Variants in NSMAF observed in about 807,000 individuals in gnomAD.
The protein encoded by NSMAF is protein FAN.
NSMAF carries 90 observed loss-of-function variants against 134.9 expected under a neutral mutation model. The ratio of observed to expected loss-of-function variants is 0.67; its 90% CI spans 0.56 to 0.79. The LOEUF (loss-of-function observed/expected upper bound fraction) is 0.79. Ranked by LOEUF, NSMAF falls within the 30% of genes least tolerant of loss-of-function variation. The pLI, the probability that NSMAF is intolerant of heterozygous loss-of-function variation, is 0.00. For missense variants in NSMAF, 1,010 were observed against 1,119.0 expected, an observed-to-expected ratio of 0.90 and a Z score of 1.39; for synonymous variants, 358 against 389.6, an observed-to-expected ratio of 0.92 and a Z score of 0.96.
chr8:58,621,319 T>C (rs947843153), intron 9 of NSMAF, among the ~76,000 whole-genome samples: 2 of 152,222 alleles, frequency 1.3e-5, no homozygotes, highest in African/African-American at 4.8e-5. Flanking sequence ...CCATGGTGTA[T>C]AGGTACCACA....
chr8:58,659,213 G>T, intron 1 of NSMAF: 1 of 1,461,246 alleles, frequency 6.8e-7, no homozygotes, highest in South Asian at 1.4e-5. Flanking sequence ...GCGAACGCCC[G>T]GGCTCGCGTG....
At chr8:58,607,886 A>AT (rs1258805334) in intron 10 of NSMAF, 46 bp from the exon 11 acceptor site, 1 of 1,491,400 alleles carries the variant, frequency 6.7e-7, no homozygotes, top group Non-Finnish European at 9.4e-7. Context: ...TTCTGACACA[A>AT]TTAGAAGTTG....
intron 2 of NSMAF, among the ~76,000 whole-genome samples, chr8:58,639,427 T>C (rs1394625334): frequency 6.6e-6 from 1 of 152,162 alleles, no homozygotes; most frequent in African/African-American, 2.4e-5. Flanking sequence ...CCTGTTAGGA[T>C]GGCTATTATC....
At chr8:58,656,777 C>T (rs1807723222) in intron 1 of NSMAF, among the ~76,000 whole-genome samples, 1 of 151,960 alleles carries the variant, frequency 6.6e-6, no homozygotes, top group South Asian at 2.1e-4. Context: ...TTGCAGTGAG[C>T]CAAGATCACG....
intron 9 of NSMAF, among the ~76,000 whole-genome samples, chr8:58,610,437 G>A (rs1282999273): frequency 3.3e-5 from 5 of 152,142 alleles, no homozygotes; most frequent in African/African-American, 9.7e-5. Flanking sequence ...AAAAGATACA[G>A]AGGAAGATCT....
rs199922201 is a variant in NSMAF at position 58,654,555 on chromosome 8, AAG to A, written c.59+5016_59+5017del. Reference sequence around the variant, plus strand: ...ACAAAAGGGAAACTCCTTCTCAAAAAAGAAAAAAAGAAAGAAAGTTAATACTA... The same window carrying A: ...ACAAAAGGGAAACTCCTTCTCAAAAAAAAAAAAGAAAGAAAGTTAATACTA... On this transcript the variant is annotated intron_variant, in intron 1 of 30. Coordinates refer to ENST00000038176, the MANE Select transcript of NSMAF (RefSeq NM_003580.4). Among the ~76,000 whole-genome samples, 1,321 of 152,286 alleles carry A rather than the reference AAG, an allele frequency of 8.7e-3. 19 individuals are homozygous for A. Among genetic ancestry groups the A allele is most frequent in the African/African-American group, 0.03 (1,243 of 41,534 alleles).
intron 14 of NSMAF, 66 bp from the exon 15 acceptor site, chr8:58,601,601 G>GA: frequency 6.6e-7 from 1 of 1,526,168 alleles, no homozygotes; most frequent in East Asian, 2.4e-5. Flanking sequence ...CTGACAAGTA[G>GA]AAAAAGCCTA....
At chr8:58,637,347 G>A (rs1411210065) in intron 2 of NSMAF, 9 of 456,244 alleles carry the variant, frequency 2.0e-5, no homozygotes, top group Non-Finnish European at 3.1e-5. Context: ...GGTATTAAGA[G>A]ACCAGATTCT....
chr8:58,625,416 A>ATGTATGTATGTATG (rs111516405), intron 6 of NSMAF, among the ~76,000 whole-genome samples: 186 of 150,996 alleles, frequency 1.2e-3, no homozygotes, highest in African/African-American at 4.1e-3. Flanking sequence ...GTATGTATGT[A>ATGTATGTATGTATG]TATATATGTG....
chr8:58,648,322 A>C (rs1807508347), intron 1 of NSMAF, among the ~76,000 whole-genome samples: 1 of 152,220 alleles, frequency 6.6e-6, no homozygotes, highest in African/African-American at 2.4e-5. Flanking sequence ...AATGACTTAA[A>C]GTTGGAACTT....
intron 1 of NSMAF, among the ~76,000 whole-genome samples, chr8:58,646,044 A>AATCATC (rs140848286): frequency 1.3e-4 from 19 of 151,924 alleles, no homozygotes; most frequent in African/African-American, 3.4e-4. Context: ...TCCGTCTCAA[A>AATCATC]ATCATCATCA....
At chr8:58,601,203 T>C (rs893941784) in intron 16 of NSMAF, 82 bp downstream of exon 16, 2 of 1,157,476 alleles carry the variant, frequency 1.7e-6, no homozygotes, top group Non-Finnish European at 1.3e-6. Context: ...TTTTTTATTA[T>C]ATCCAGTGCT....
chr8:58,617,445 A>AG (rs1208406636), intron 9 of NSMAF, among the ~76,000 whole-genome samples: 4 of 152,334 alleles, frequency 2.6e-5, no homozygotes, highest in African/African-American at 7.2e-5. Context: ...ATCTACAAAG[A>AG]ACTCAAACAA....
In NSMAF at chr8:58,641,768, T is replaced by C. The variant is rs566818605; in HGVS notation, c.149+1216A>G. 3.9e-5 allele frequency among the ~76,000 whole-genome samples: 6 copies of C among 152,326 alleles called. No homozygotes were observed. In the East Asian group the frequency reaches 7.7e-4, roughly 20 times the overall value. On this transcript the variant is annotated intron_variant, in intron 2 of 30. Coordinates refer to ENST00000038176, the MANE Select transcript of NSMAF (RefSeq NM_003580.4). Reference sequence around the variant, plus strand: ...TTGAAATGGTATCCTAGAAGTAGCATTGCTAGATCAATAGGTTAATGCACA... The same window carrying C: ...TTGAAATGGTATCCTAGAAGTAGCACTGCTAGATCAATAGGTTAATGCACA...
At chr8:58,646,450 C>A (rs1176430191) in intron 1 of NSMAF, among the ~76,000 whole-genome samples, 2 of 152,088 alleles carry the variant, frequency 1.3e-5, no homozygotes, top group Non-Finnish European at 2.9e-5. Flanking sequence ...ATCATATCAG[C>A]TATTTTAGAA....
intron 2 of NSMAF, among the ~76,000 whole-genome samples, chr8:58,640,626 C>T (rs1179744320): frequency 6.6e-6 from 1 of 152,156 alleles, no homozygotes; most frequent in Non-Finnish European, 1.5e-5. Flanking sequence ...CAGAGATACA[C>T]AGTCAAATTA....
intron 1 of NSMAF, among the ~76,000 whole-genome samples, chr8:58,646,495 C>T (rs1028603790): frequency 2.5e-4 from 38 of 152,070 alleles, no homozygotes; most frequent in African/African-American, 8.9e-4. Flanking sequence ...TAATTATAGC[C>T]TCCTTAATTT....
At chr8:58,621,896 A>G (rs1396337847) in intron 9 of NSMAF, among the ~76,000 whole-genome samples, 1 of 152,154 alleles carries the variant, frequency 6.6e-6, no homozygotes, top group East Asian at 1.9e-4. Context: ...AAGTTTGCAA[A>G]TATTTTCTCT....
In NSMAF at chr8:58,603,127, A is replaced by G; in HGVS notation, c.1045+83T>C. ...TCACATGTCACATCACAATTATAAAATAGAATTTATTCTGTCCTTTAAAAA... is the reference window on the plus strand; with the variant it reads ...TCACATGTCACATCACAATTATAAAGTAGAATTTATTCTGTCCTTTAAAAA... On this transcript the variant is annotated intron_variant, in intron 13 of 30. Coordinates refer to ENST00000038176, the MANE Select transcript of NSMAF (RefSeq NM_003580.4). The G allele has an allele frequency of 2.3e-6, 3 of 1,325,238 alleles. No homozygotes were observed. The South Asian group carries it at 3.9e-5, about 17-fold the overall frequency. The allele number at this position is 1,325,238 out of a possible 1,614,324, so 82.1% of individuals were successfully genotyped here. A position where few individuals can be genotyped will look rare whatever the true frequency, so the allele number is the denominator to read the frequency against.
Sources: allele counts gnomAD v4.1 joint callset (sites outside exome capture counted in the v4.1 genomes callset), GRCh38; gene constraint gnomAD v4.1.1; transcripts MANE v1.5; gene names NCBI Gene and HGNC (gene_info 2026-07-23, HGNC 2026-07-21).